The following KIF21A variants were observed in gnomAD, a reference collection of about 807,000 sequenced individuals.
KIF21A encodes kinesin family member 21A.
A neutral mutation model predicts 202.9 loss-of-function variants in KIF21A; 114 were observed. That is an observed-to-expected ratio of 0.56 (90% CI 0.48 to 0.66). The LOEUF (loss-of-function observed/expected upper bound fraction) is 0.66. KIF21A is among the 30% of genes least tolerant of loss of function. KIF21A has a pLI of 0.00. For missense variants in KIF21A, 1,677 were observed against 1,994.9 expected, an observed-to-expected ratio of 0.84 and a Z score of 3.04; for synonymous variants, 667 against 670.8, an observed-to-expected ratio of 0.99 and a Z score of 0.09.
chr12:39,314,068 GA>G (rs1341408835), intron 31 of KIF21A, among the ~76,000 whole-genome samples: 2 of 151,400 alleles, frequency 1.3e-5, no homozygotes, highest in African/African-American at 4.8e-5. Context: ...TCTGGTAAGG[GA>G]AAAAAAGGGC....
At chr12:39,431,836 G>A (rs2140361531) in intron 1 of KIF21A, among the ~76,000 whole-genome samples, 1 of 152,316 alleles carries the variant, frequency 6.6e-6, no homozygotes, top group South Asian at 2.1e-4. Flanking sequence ...ATCAAGGACA[G>A]ATGGAATCTG....
chr12:39,303,262 CT>C, intron 35 of KIF21A, 127 bp from the exon 36 acceptor site: 1 of 761,918 alleles, frequency 1.3e-6, no homozygotes. Flanking sequence ...TCTATTGTTT[CT>C]GGTTTGTTAA....
At chr12:39,307,400 T>G (rs1943581868) in intron 34 of KIF21A, among the ~76,000 whole-genome samples, 165 bp downstream of exon 34, 1 of 152,156 alleles carries the variant, frequency 6.6e-6, no homozygotes, top group Non-Finnish European at 1.5e-5. Context: ...AGTTTGTTAA[T>G]AAGGACACAA....
At chr12:39,352,542 G>A (rs955893037) in intron 10 of KIF21A, among the ~76,000 whole-genome samples, 4 of 152,054 alleles carry the variant, frequency 2.6e-5, no homozygotes, top group South Asian at 2.1e-4. Flanking sequence ...TCTGGCCAGC[G>A]GACATCAGTT....
At chr12:39,340,014 C>T (rs561942889) in intron 16 of KIF21A, 151 bp downstream of exon 16, 99 of 658,356 alleles carry the variant, frequency 1.5e-4, no homozygotes, top group Non-Finnish European at 2.2e-4. Flanking sequence ...CTATTAGAAA[C>T]AACTTCTAAT....
Position 39,340,197 on chromosome 12 carries a change from G to C in KIF21A, c.2278C>G (p.Gln760Glu). Residue 760 changes from glutamine to glutamate, a missense_variant, in exon 16 of 38, where the codon CAG becomes GAG. Around this residue, in one of 3 missense-constraint regions of KIF21A, gnomAD observed 966 missense variants for 1,180.9 expected, o/e 0.82. Coordinates refer to ENST00000361418, the MANE Select transcript of KIF21A (RefSeq NM_001173464.2). ...SQYEKQLKKL[Q>E]QDVMEMKKTK... is the part of the protein sequence containing the mutation. ...TTTTTCATTTCCATCACATCCTGCT[G>C]CAATTTCTTCAATTGCTTTTCATAC... 1 of 1,612,604 alleles carries C rather than the reference G, an allele frequency of 6.2e-7. No homozygotes were observed. Among genetic ancestry groups the C allele is most frequent in the Non-Finnish European group, 8.5e-7 (1 of 1,179,436 alleles).
chr12:39,328,835 G>A (rs1946219659), intron 24 of KIF21A, among the ~76,000 whole-genome samples: 1 of 152,144 alleles, frequency 6.6e-6, no homozygotes, highest in South Asian at 2.1e-4. Flanking sequence ...TCTTCACTAT[G>A]TTTTAGCTTA....
intron 17 of KIF21A, among the ~76,000 whole-genome samples, chr12:39,335,565 T>C (rs1038300852): frequency 1.2e-4 from 18 of 152,256 alleles, no homozygotes; most frequent in African/African-American, 4.3e-4. Flanking sequence ...CGTATATTCC[T>C]GGAGTAATGA....
intron 13 of KIF21A, 50 bp from the exon 14 acceptor site, chr12:39,341,672 T>G (rs760309732): frequency 6.5e-7 from 1 of 1,548,572 alleles, no homozygotes; most frequent in South Asian, 1.2e-5. Context: ...CAAAACAAAC[T>G]GACTCCCTCA....
intron 24 of KIF21A, among the ~76,000 whole-genome samples, chr12:39,329,574 G>C (rs1946317411): frequency 6.6e-6 from 1 of 151,974 alleles, no homozygotes; most frequent in Non-Finnish European, 1.5e-5. Flanking sequence ...AGGGAAAGAA[G>C]AGGAGGACGG....
At chr12:39,390,527 T>C (rs914448497) in intron 1 of KIF21A, among the ~76,000 whole-genome samples, 1 of 152,092 alleles carries the variant, frequency 6.6e-6, no homozygotes, top group Admixed American at 6.6e-5. Flanking sequence ...AATGAAAACC[T>C]AAGATCTAAA....
intron 26 of KIF21A, among the ~76,000 whole-genome samples, chr12:39,324,743 A>C (rs898562452): frequency 6.6e-6 from 1 of 152,250 alleles, no homozygotes; most frequent in Non-Finnish European, 1.5e-5. Flanking sequence ...TGTACTCTCC[A>C]GGAAATCATA....
Position 39,315,975 on chromosome 12 carries a change from A to G in KIF21A, c.3909-5T>C, listed in dbSNP as rs749786110. 7.5e-6 allele frequency: 12 copies of G among 1,592,686 alleles called. No homozygotes were observed. Among genetic ancestry groups the G allele is most frequent in the Non-Finnish European group, 1.0e-5 (12 of 1,160,732 alleles). On this transcript the variant is annotated splice_polypyrimidine_tract_variant and splice_region_variant and intron_variant, in intron 29 of 37. Transcript: ENST00000361418. ...GAGGAGTCACTTTCATCAGACCTAT[A>G]GTGAAAGAGTTAGAATTATGAGAGA...
chr12:39,382,635 G>A (rs1483469512), intron 1 of KIF21A, among the ~76,000 whole-genome samples: 5 of 152,116 alleles, frequency 3.3e-5, no homozygotes, highest in South Asian at 2.1e-4. Context: ...TTTGCTATAC[G>A]AAACAACTCT....
chr12:39,361,560 C>T (rs1445020880), intron 7 of KIF21A, among the ~76,000 whole-genome samples: 2 of 129,640 alleles, frequency 1.5e-5, no homozygotes, highest in East Asian at 2.4e-4. Flanking sequence ...CTCGCTCTGT[C>T]TCCCAGGATG....
At chr12:39,304,968 T>A in intron 34 of KIF21A, 30 bp from the exon 35 acceptor site, 1 of 1,095,386 alleles carries the variant, frequency 9.1e-7, no homozygotes, top group Non-Finnish European at 1.4e-6. Flanking sequence ...TAGTTTTGTT[T>A]AAAATTATTT....
chr12:39,324,885 C>A (rs1463278947), intron 26 of KIF21A, among the ~76,000 whole-genome samples: 1 of 152,154 alleles, frequency 6.6e-6, no homozygotes, highest in South Asian at 2.1e-4. Flanking sequence ...TCCATTCATT[C>A]AACAATATTT....
In KIF21A at chr12:39,370,043, C is replaced by A; in HGVS notation, c.263G>T (p.Gly88Val). The A allele has an allele frequency of 1.2e-6, 2 of 1,612,240 alleles. No homozygotes were observed. The highest frequency in any genetic ancestry group is 2.2e-5 in the South Asian group (2 of 91,032). ...EGYNATVFAY[G>V]QTGAGKTYTM... is the part of the protein sequence containing the mutation. Reference sequence around the variant, plus strand: ...TGAAAATAATATGGCACTTACTTGTCCATAAGCAAAAACTGTAGCATTGTA... The same window carrying A: ...TGAAAATAATATGGCACTTACTTGTACATAAGCAAAAACTGTAGCATTGTA... The change falls in exon 2 of 38, where the codon GGA becomes GTA. Residue 88 changes from glycine to valine, a missense_variant. Coordinates refer to ENST00000361418, the MANE Select transcript of KIF21A (RefSeq NM_001173464.2).
At chr12:39,359,318 A>G (rs1949027276) in intron 7 of KIF21A, among the ~76,000 whole-genome samples, 2 of 151,922 alleles carry the variant, frequency 1.3e-5, no homozygotes, top group Non-Finnish European at 2.9e-5. Flanking sequence ...CAAATCCTCC[A>G]TTTGTCTGTA....
Sources: gnomAD v4.1 joint callset for allele counts (sites outside exome capture counted in the v4.1 genomes callset) on GRCh38, gnomAD v4.1.1 for gene constraint, gnomAD v4.1.1 regional missense constraint, MANE v1.5 for transcripts, NCBI Gene and HGNC (gene_info 2026-07-23, HGNC 2026-07-21) for gene names.